TMEM35A: variants seen among roughly 807,000 people sequenced by gnomAD.
TMEM35A encodes nicotinic acetylcholine receptor chaperone.
For synonymous variants in TMEM35A, 50 were observed against 54.7 expected (o/e 0.91, Z 0.38); for missense variants, 83 against 132.7 (o/e 0.63, Z 1.84).
intron 1 of TMEM35A, among the ~76,000 whole-genome samples, chrX:101,084,077 A>G (rs1157353270): frequency 9.4e-6 from 1 of 106,546 alleles, no homozygotes; most frequent in Non-Finnish European, 1.9e-5. Flanking sequence ...AATCCCAGCT[A>G]CTCTGGTGGC....
In TMEM35A at chrX:101,095,528, T is replaced by C. The variant is rs2089337714; in HGVS notation, c.*572T>C. 1.9e-5 allele frequency: 2 copies of C among 107,752 alleles called. No homozygotes were observed. The highest frequency in any genetic ancestry group is 3.8e-5 in the Non-Finnish European group (2 of 52,386). The allele number at this position is 107,752 out of a possible 1,213,427, so 8.9% of individuals were successfully genotyped here. On this transcript the variant is annotated 3_prime_UTR_variant, in exon 2 of 2. Transcript: ENST00000372930. ...GATACTAACAACTTAAACTTACTAC[T>C]TTAGGAGAAAAAAAAAAACATTCAA...
chrX:101,090,418 T>G (rs1182112729), intron 1 of TMEM35A, among the ~76,000 whole-genome samples: 1 of 107,078 alleles, frequency 9.3e-6, no homozygotes, highest in Non-Finnish European at 1.9e-5. Flanking sequence ...TCTGCCCGCC[T>G]CGGCCTCCCA....
intron 1 of TMEM35A, among the ~76,000 whole-genome samples, chrX:101,080,684 C>A (rs899979771): frequency 9.1e-6 from 1 of 110,076 alleles, no homozygotes; most frequent in African/African-American, 3.3e-5. Context: ...CATTATATTT[C>A]TGTCTTGGTG....
At chrX:101,091,395 T>G (rs2089323876) in intron 1 of TMEM35A, among the ~76,000 whole-genome samples, 1 of 108,691 alleles carries the variant, frequency 9.2e-6, no homozygotes, top group Non-Finnish European at 1.9e-5. Context: ...CTTGAACTCC[T>G]GGGCTCAGGC....
intron 1 of TMEM35A, chrX:101,081,615 A>G (rs1284136788): frequency 9.0e-6 from 1 of 111,448 alleles, no homozygotes; most frequent in Admixed American, 9.6e-5. Context: ...CCAACCCTAG[A>G]TCAGCTGGGA....
intron 1 of TMEM35A, among the ~76,000 whole-genome samples, chrX:101,090,364 C>T (rs1259986422): frequency 6.1e-5 from 6 of 97,734 alleles, no homozygotes; most frequent in Non-Finnish European, 1.0e-4. Context: ...GACAGGGTTT[C>T]GCCATATTGG....
At chrX:101,092,251 TAAAAG>T (rs2089326307) in intron 1 of TMEM35A, among the ~76,000 whole-genome samples, 1 of 110,420 alleles carries the variant, frequency 9.1e-6, no homozygotes, top group African/African-American at 3.3e-5. Context: ...GAATGGATAC[TAAAAG>T]AAAACAAAGC....
At chrX:101,086,382 C>A (rs2359999) in intron 1 of TMEM35A, among the ~76,000 whole-genome samples, 11,108 of 111,818 alleles carry the variant, frequency 0.099, 1,366 homozygotes, top group African/African-American at 0.34. Context: ...TGGCCTCCCA[C>A]AGTGCTGGGG....
Position 101,095,655 on chromosome X carries a change from T to C in TMEM35A, c.*699T>C, listed in dbSNP as rs1270967968. On this transcript the variant is annotated 3_prime_UTR_variant, in exon 2 of 2. Coordinates refer to ENST00000372930, the MANE Select transcript of TMEM35A (RefSeq NM_021637.3). The stretch of plus-strand genomic sequence containing the variant: ...GAATTTAATTAAAACAAGGGATGCA[T>C]GCAGTCAAATTGATAGTTTAATTCT... 1.0e-4 allele frequency: 11 copies of C among 108,854 alleles called. No homozygotes were observed. The highest frequency in any genetic ancestry group is 3.6e-4 in the African/African-American group (11 of 30,356). The allele number at this position is 108,854 out of a possible 1,213,427, so 9.0% of individuals were successfully genotyped here.
intron 1 of TMEM35A, among the ~76,000 whole-genome samples, chrX:101,079,606 A>T (rs923761826): frequency 8.9e-6 from 1 of 111,794 alleles, no homozygotes; most frequent in East Asian, 2.8e-4. Context: ...GCTGACTGGT[A>T]TTCCTCATCC....
At chrX:101,086,331 G>A (rs1228000579) in intron 1 of TMEM35A, among the ~76,000 whole-genome samples, 2 of 111,587 alleles carry the variant, frequency 1.8e-5, no homozygotes, top group Non-Finnish European at 3.8e-5. Flanking sequence ...ATGTTGGCCG[G>A]GCTGGTCTCG....
At chrX:101,085,654 C>T (rs1469098890) in intron 1 of TMEM35A, among the ~76,000 whole-genome samples, 1 of 110,219 alleles carries the variant, frequency 9.1e-6, no homozygotes, top group Admixed American at 9.7e-5. Context: ...ATAGGCCAGG[C>T]GCATTGGCTC....
chrX:101,079,162 G>A, intron 1 of TMEM35A, 40 bp downstream of exon 1: 1 of 1,199,567 alleles, frequency 8.3e-7, no homozygotes, highest in Non-Finnish European at 1.1e-6. Context: ...GCACTCCCAT[G>A]GGATTGCGAG....
chrX:101,087,203 G>T (rs896430870), intron 1 of TMEM35A, among the ~76,000 whole-genome samples: 1 of 111,451 alleles, frequency 9.0e-6, no homozygotes, highest in Non-Finnish European at 1.9e-5. Context: ...TGATCCGCCC[G>T]CCTCAGCCTC....
chrX:101,085,125 G>A (rs2089303326), intron 1 of TMEM35A, among the ~76,000 whole-genome samples: 1 of 111,407 alleles, frequency 9.0e-6, no homozygotes, highest in Non-Finnish European at 1.9e-5. Flanking sequence ...GACACTATTT[G>A]CCCTGTGTTC....
At position 101,095,955 on chromosome X, in the gene TMEM35A, A is replaced by G. The variant is rs1452117105; in HGVS notation, c.*999A>G. 1 of 112,033 alleles carries G rather than the reference A, an allele frequency of 8.9e-6. No individual in the cohort carries two copies. 9.2% of individuals were successfully genotyped at this position (112,033 alleles called of 1,213,427 possible). On this transcript the variant is annotated 3_prime_UTR_variant, in exon 2 of 2. Coordinates refer to ENST00000372930, the MANE Select transcript of TMEM35A (RefSeq NM_021637.3). Reference sequence around the variant, plus strand: ...GTTCTCTGCAATCATCCAAAATTTGAAAAAGAAGCTATATCCAGTGTTTCA... The same window carrying G: ...GTTCTCTGCAATCATCCAAAATTTGGAAAAGAAGCTATATCCAGTGTTTCA...
At chrX:101,088,023 A>C (rs2089312581) in intron 1 of TMEM35A, among the ~76,000 whole-genome samples, 1 of 109,003 alleles carries the variant, frequency 9.2e-6, no homozygotes, top group African/African-American at 3.4e-5. Context: ...AAATAAATAA[A>C]TAAAATAAAA....
chrX:101,089,806 TAA>T (rs1356178220), intron 1 of TMEM35A, among the ~76,000 whole-genome samples: 7 of 109,867 alleles, frequency 6.4e-5, no homozygotes, highest in Non-Finnish European at 7.6e-5. Flanking sequence ...GATTTGACGC[TAA>T]GTCTGTTTGC....
chrX:101,088,152 C>A (rs2089312927), intron 1 of TMEM35A, among the ~76,000 whole-genome samples: 1 of 111,625 alleles, frequency 9.0e-6, no homozygotes, highest in Non-Finnish European at 1.9e-5. Context: ...GAACTGAGAT[C>A]ATGCCACTGC....
Sources: gnomAD v4.1 joint callset for allele counts (sites outside exome capture counted in the v4.1 genomes callset) on GRCh38, gnomAD v4.1.1 for gene constraint, MANE v1.5 for transcripts, NCBI Gene and HGNC (gene_info 2026-07-23, HGNC 2026-07-21) for gene names.